The following IL17REL variants were observed in gnomAD, a reference collection of about 807,000 sequenced individuals.
The protein encoded by IL17REL is interleukin 17 receptor E like, also known as interleukin-17 receptor E-like protein.
In IL17REL, 36 loss-of-function variants were observed where a neutral mutation model predicts 49.0. That is an observed-to-expected ratio of 0.73 (90% CI 0.56 to 0.97). IL17REL has a LOEUF of 0.97. Ranked by LOEUF, IL17REL falls within the 50% of genes least tolerant of loss-of-function variation. The probability of loss-of-function intolerance (pLI) is 0.00; values close to 1 mark genes in which losing one functional copy is unlikely to be tolerated. For synonymous variants in IL17REL, 206 were observed against 192.4 expected, an observed-to-expected ratio of 1.07 and a Z score of -0.58; for missense variants, 470 against 453.9, an observed-to-expected ratio of 1.04 and a Z score of -0.32.
rs1055664862 is a variant in IL17REL, at chr22:50,005,529, C to T, written c.-42+3108G>A. 7.2e-5 allele frequency among the ~76,000 whole-genome samples: 11 copies of T among 152,192 alleles called. No homozygotes were observed. The South Asian group carries it at 1.0e-3, about 14-fold the overall frequency. ...TGTTTAAAAATACCTGGGCCGGGCG[C>T]GGTGGCTCACGCCTGTAATCCCAGC... is the stretch of plus-strand genomic sequence containing the variant. On this transcript the variant is annotated intron_variant, in intron 1 of 12. Transcript: ENST00000341280.
chr22:50,009,289 T>C (rs2061125860), upstream of IL17REL, among the ~76,000 whole-genome samples: 1 of 151,916 alleles, frequency 6.6e-6, no homozygotes, highest in Non-Finnish European at 1.5e-5. Context: ...ACTCCTGATT[T>C]ATGATCATCC....
exon 8 of IL17REL, chr22:49,998,262 C>T: frequency 1.2e-6 from 2 of 1,612,380 alleles, no homozygotes; most frequent in Non-Finnish European, 1.7e-6. Flanking sequence ...GTCTGGCTCT[C>T]CGGGTGGTAG....
chr22:49,997,808 A>G (rs1351035636), intron 9 of IL17REL, 66 bp from the exon 12 acceptor site: 10 of 1,513,834 alleles, frequency 6.6e-6, no homozygotes, highest in Non-Finnish European at 9.2e-6. Flanking sequence ...GGACAGGGGC[A>G]GGGACAGGGA....
intron 1 of IL17REL, among the ~76,000 whole-genome samples, chr22:50,005,655 A>C (rs563175710): frequency 6.6e-6 from 1 of 152,132 alleles, no homozygotes; most frequent in African/African-American, 2.4e-5. Flanking sequence ...TACAATGATT[A>C]GCTGGGCATG....
chr22:50,005,617 C>G (rs2061105326), intron 1 of IL17REL, among the ~76,000 whole-genome samples: 1 of 152,048 alleles, frequency 6.6e-6, no homozygotes, highest in Non-Finnish European at 1.5e-5. Context: ...GCCTGGCCAA[C>G]ATGGTGAAAC....
At chr22:50,001,140 A>G in exon 2 of IL17REL, 3 of 1,607,306 alleles carry the variant, frequency 1.9e-6, no homozygotes, top group Non-Finnish European at 2.5e-6. Context: ...CAGAGGGGAC[A>G]CACTGCATGG....
chr22:50,011,452 G>A, upstream of IL17REL, among the ~76,000 whole-genome samples: 1 of 152,008 alleles, frequency 6.6e-6, no homozygotes, highest in East Asian at 1.9e-4. Context: ...AAGCTTTCCA[G>A]CTTGCACTTC....
intron 4 of IL17REL, 74 bp from the exon 7 acceptor site, chr22:50,000,041 C>A (rs1417664448): frequency 1.1e-5 from 15 of 1,378,214 alleles, no homozygotes; most frequent in Non-Finnish European, 6.6e-6. Flanking sequence ...GTCCCGAGAG[C>A]CCCGACGTGG....
chr22:49,999,536 C>A (rs1233074591), intron 5 of IL17REL, 34 bp from the exon 8 acceptor site: 1 of 815,438 alleles, frequency 1.2e-6, no homozygotes. Flanking sequence ...AGGGGCCGCG[C>A]GGGAGGGCGG....
chr22:49,999,409 T>G lies in IL17REL; in HGVS notation c.546+22A>C, dbSNP rs375899805. 7 of 1,612,408 alleles carry G rather than the reference T, an allele frequency of 4.3e-6. No individual in the cohort carries two copies. In the African/African-American group the frequency reaches 8.0e-5, roughly 18 times the overall value. On this transcript the variant is annotated intron_variant, in intron 6 of 12. Transcript: ENST00000341280. ...CTGTGCTCCCCTCACCCGCCCCAAGTCCAGGCCACACCTCCACCGACCTCC... is the reference window on the plus strand; with the variant it reads ...CTGTGCTCCCCTCACCCGCCCCAAGGCCAGGCCACACCTCCACCGACCTCC...
chr22:49,996,846 A>G, exon 13 of IL17REL: 3 of 572,278 alleles, frequency 5.2e-6, no homozygotes, highest in Non-Finnish European at 6.2e-6. Context: ...AGAAGTGTAC[A>G]TCGGTCCTCC....
At chr22:49,999,892 G>A in exon 5 of IL17REL, 1 of 1,542,644 alleles carries the variant, frequency 6.5e-7, no homozygotes. Flanking sequence ...GTAGTAGTCG[G>A]GGCTCCCGGA....
In IL17REL at chr22:49,997,484, C is replaced by T; in HGVS notation, c.878-68G>A. ...GAAGGCTGGATGGTCATTTTCCAGG[C>T]TGTGGGGAGTGAAGGGTGAGACCCC... is the stretch of plus-strand genomic sequence containing the variant. On this transcript the variant is annotated intron_variant, in intron 10 of 12. Transcript: ENST00000341280. 6.6e-7 allele frequency: 1 copy of T among 1,510,050 alleles called. No homozygotes were observed. Among genetic ancestry groups the T allele is most frequent in the Admixed American group, 1.8e-5 (1 of 54,608 alleles). The allele number at this position is 1,510,050 out of a possible 1,614,324, so 93.5% of individuals were successfully genotyped here. A position where few individuals can be genotyped will look rare whatever the true frequency, so the allele number is the denominator to read the frequency against.
At chr22:49,999,391 C>T (rs978886012) in intron 6 of IL17REL, 40 bp downstream of exon 8, 1 of 1,612,802 alleles carries the variant, frequency 6.2e-7, no homozygotes, top group Non-Finnish European at 8.5e-7. Flanking sequence ...TCCCTGTGCT[C>T]CCCTCACCCG....
downstream of IL17REL, among the ~76,000 whole-genome samples, chr22:49,992,109 T>G (rs1342608483): frequency 6.6e-6 from 1 of 152,246 alleles, no homozygotes; most frequent in Non-Finnish European, 1.5e-5. Flanking sequence ...TTTATCTCAG[T>G]GAGCAGACGG....
chr22:50,000,834 T>A, exon 3 of IL17REL: 1 of 1,596,408 alleles, frequency 6.3e-7, no homozygotes. Context: ...TCCAGGCTCA[T>A]GGCACAGGCC....
chr22:49,991,996 A>G (rs1164046407), downstream of IL17REL, among the ~76,000 whole-genome samples: 1 of 152,204 alleles, frequency 6.6e-6, no homozygotes, highest in African/African-American at 2.4e-5. Flanking sequence ...AAGTGGGACA[A>G]TTCAAATTGG....
At chr22:50,007,853 T>C (rs28635137) in intron 1 of IL17REL, among the ~76,000 whole-genome samples, 1 of 151,470 alleles carries the variant, frequency 6.6e-6, no homozygotes, top group Non-Finnish European at 1.5e-5. Flanking sequence ...CAAGTAAAAA[T>C]AAAATAGTTT....
At chr22:49,999,852 G>A (rs998679748) in exon 5 of IL17REL, 10 of 1,524,094 alleles carry the variant, frequency 6.6e-6, no homozygotes, top group East Asian at 2.7e-5. Context: ...CGGCGTCCTC[G>A]CAGGTGAACC....
Sources: gnomAD v4.1 joint callset for allele counts (sites outside exome capture counted in the v4.1 genomes callset) on GRCh38, gnomAD v4.1.1 for gene constraint, MANE v1.5 for transcripts, NCBI Gene and HGNC (gene_info 2026-07-23, HGNC 2026-07-21) for gene names.